Variants in NPHS2 observed in about 807,000 individuals in gnomAD.
NPHS2 encodes NPHS2 stomatin family member, podocin, also known as podocin.
A neutral mutation model predicts 37.1 loss-of-function variants in NPHS2; 36 were observed. The ratio of observed to expected loss-of-function variants is 0.97; its 90% confidence interval spans 0.74 to 1.28. The LOEUF is 1.28. NPHS2 is among the 50% of genes most tolerant of loss of function. The probability of loss-of-function intolerance (pLI) is 0.00; values close to 1 mark genes in which losing one functional copy is unlikely to be tolerated. For missense variants in NPHS2, 447 were observed against 488.1 expected, an observed-to-expected ratio of 0.92 and a Z score of 0.79; for synonymous variants, 196 against 189.3, an observed-to-expected ratio of 1.04 and a Z score of -0.29.
intron 1 of NPHS2, among the ~76,000 whole-genome samples, chr1:179,575,284 A>G (rs1201780491): frequency 1.3e-5 from 2 of 152,198 alleles, no homozygotes; most frequent in African/African-American, 4.8e-5. Flanking sequence ...CATGGCCACA[A>G]AAACCAAGTC....
Position 179,575,888 on chromosome 1 carries a change from A to G in NPHS2, c.-24T>C. 7.2e-7 allele frequency: 1 copy of G among 1,384,816 alleles called. No homozygotes were observed. The highest frequency in any genetic ancestry group is 9.3e-7 in the Non-Finnish European group (1 of 1,077,892). 85.8% of individuals were successfully genotyped at this position (1,384,816 alleles called of 1,614,324 possible). ...ATCCTCAGAGCTGCCGGGCGGCTGG[A>G]GCAGCAGCGCGGGAGCGCTAGGGGC... On this transcript the variant is annotated 5_prime_UTR_variant, in exon 1 of 8. Coordinates refer to ENST00000367615, the MANE Select transcript of NPHS2 (RefSeq NM_014625.4).
Position 179,561,314 on chromosome 1 carries a change from C to T in NPHS2, c.426G>A (p.Leu142=), listed in dbSNP as rs1372488341. The T allele has an allele frequency of 1.5e-5, 25 of 1,613,318 alleles. No individual in the cohort carries two copies. Among genetic ancestry groups the T allele is most frequent in the Non-Finnish European group, 1.5e-5 (18 of 1,179,444 alleles). The change falls in exon 3 of 8, where the codon CTG becomes CTA. Residue 142 remains leucine, a synonymous_variant. Transcript: ENST00000367615. ...CAGGGCCTTTGGCTCTTCCAGGAAG[C>T]AGATGTCCCAGTCGGAATATAATTA... ...ERVIIFRLGH[L]LPGRAKGPGL... is the part of the protein sequence containing the mutation.
chr1:179,563,009 G>A lies in NPHS2; in HGVS notation c.379-1648C>T, dbSNP rs578137108. Among the ~76,000 whole-genome samples the A allele has an allele frequency of 7.2e-5, 11 of 152,260 alleles. No individual in the cohort carries two copies. In the South Asian group the frequency reaches 2.3e-3, roughly 32 times the overall value. ...TGGCTGAGTCAGTGTTGTATCTTGT[G>A]GCAGTCATGCAGGTGCTCAGGTCAC... On this transcript the variant is annotated intron_variant, in intron 2 of 7. Transcript: ENST00000367615.
intron 1 of NPHS2, among the ~76,000 whole-genome samples, chr1:179,570,259 T>C (rs1019255858): frequency 1.3e-5 from 2 of 152,104 alleles, no homozygotes; most frequent in African/African-American, 4.8e-5. Flanking sequence ...CACAGAAATA[T>C]AGAGGTTTGA....
chr1:179,557,407 C>T (rs759642216), intron 4 of NPHS2, among the ~76,000 whole-genome samples, 177 bp from the exon 5 acceptor site: 8 of 151,990 alleles, frequency 5.3e-5, no homozygotes, highest in East Asian at 1.9e-4. Flanking sequence ...ATTAAATACA[C>T]GAAAGAATGC....
At position 179,564,699 on chromosome 1, in the gene NPHS2, G is replaced by A; in HGVS notation, c.369C>T (p.Phe123=). The A allele has an allele frequency of 1.2e-6, 2 of 1,613,876 alleles. No homozygotes were observed. The highest frequency in any genetic ancestry group is 2.2e-5 in the South Asian group (2 of 91,070). ...CCTTATGGAATCTCACCTTTACGCA[G>A]AACCAGATGGAAAAAGGGAAGGTCA... ...IIMTFPFSIW[F]CVKVVQEYER... The change falls in exon 2 of 8, where the codon TTC becomes TTT. Residue 123 remains phenylalanine, a synonymous_variant. Transcript: ENST00000367615.
At chr1:179,572,285 T>A (rs1471466302) in intron 1 of NPHS2, among the ~76,000 whole-genome samples, 1 of 152,264 alleles carries the variant, frequency 6.6e-6, no homozygotes, top group Non-Finnish European at 1.5e-5. Context: ...CAAGCCTTAA[T>A]GTCTGAAGTT....
rs12239385 is a variant in NPHS2 at position 179,565,375 on chromosome 1, C to T, written c.275-582G>A. Among the ~76,000 whole-genome samples the T allele has an allele frequency of 9.9e-3, 1,506 of 152,260 alleles. 21 individuals are homozygous for T. Among genetic ancestry groups the T allele is most frequent in the African/African-American group, 0.035 (1,443 of 41,552 alleles). On this transcript the variant is annotated intron_variant, in intron 1 of 7. Coordinates refer to ENST00000367615, the MANE Select transcript of NPHS2 (RefSeq NM_014625.4). ...AGTTCTGGCTCTACTGTTTCATATCCAGATGACCTTAGGCAAGGCGTATGA... is the reference window on the plus strand; with the variant it reads ...AGTTCTGGCTCTACTGTTTCATATCTAGATGACCTTAGGCAAGGCGTATGA...
At chr1:179,562,875 C>T (rs1674196857) in intron 2 of NPHS2, among the ~76,000 whole-genome samples, 1 of 152,186 alleles carries the variant, frequency 6.6e-6, no homozygotes, top group Non-Finnish European at 1.5e-5. Flanking sequence ...TTCTTCAAGA[C>T]CTTGCTCAAA....
rs137885727 is a variant in NPHS2 at position 179,551,601 on chromosome 1, G to T, written c.874-150C>A. On this transcript the variant is annotated intron_variant, in intron 7 of 7. Coordinates refer to ENST00000367615, the MANE Select transcript of NPHS2 (RefSeq NM_014625.4). Reference sequence around the variant, plus strand: ...AACATGTTTATTCTTCTTTCTGAAGGGTCTTGAGCTGGGGAGACAGATTAA... The same window carrying T: ...AACATGTTTATTCTTCTTTCTGAAGTGTCTTGAGCTGGGGAGACAGATTAA... The T allele has an allele frequency of 1.0e-4, 90 of 862,370 alleles. No homozygotes were observed. In the African/African-American group the frequency reaches 1.1e-3, roughly 10 times the overall value. 53.4% of individuals were successfully genotyped at this position (862,370 alleles called of 1,614,324 possible). A position where few individuals can be genotyped will look rare whatever the true frequency, so the allele number is the denominator to read the frequency against.
chr1:179,551,028 G>T lies in NPHS2; in HGVS notation c.*145C>A. 1.1e-6 allele frequency: 1 copy of T among 910,476 alleles called. No homozygotes were observed. Among genetic ancestry groups the T allele is most frequent in the Non-Finnish European group, 1.7e-6 (1 of 578,726 alleles). The allele number at this position is 910,476 out of a possible 1,614,324, so 56.4% of individuals were successfully genotyped here. ...TACATCATTTCACCGTCTTCTCATGGATGGTGCATTGTGACTTCGTGCATT... is the reference window on the plus strand; with the variant it reads ...TACATCATTTCACCGTCTTCTCATGTATGGTGCATTGTGACTTCGTGCATT... On this transcript the variant is annotated 3_prime_UTR_variant, in exon 8 of 8. Transcript: ENST00000367615.
At chr1:179,569,139 C>T (rs1194838412) in intron 1 of NPHS2, among the ~76,000 whole-genome samples, 2 of 152,032 alleles carry the variant, frequency 1.3e-5, no homozygotes, top group African/African-American at 2.4e-5. Context: ...CTGTCTAATG[C>T]TGAGAGCAGG....
rs932852233 is a variant in NPHS2, at chr1:179,556,343, C to T, written c.738+684G>A. Among the ~76,000 whole-genome samples the T allele has an allele frequency of 6.6e-6, 1 of 152,172 alleles. No individual in the cohort carries two copies. Among genetic ancestry groups the T allele is most frequent in the Admixed American group, 6.5e-5 (1 of 15,282 alleles). On this transcript the variant is annotated intron_variant, in intron 5 of 7. Transcript: ENST00000367615. This position sits in a 1 kb window ranked among gnomAD's most constrained non-coding sequence, Gnocchi z 4.1. Reference sequence around the variant, plus strand: ...CTGGTGGTAATTGCCACTCCATTGGCCAGCTGCCTGGAATCCTGCTGTCTT... The same window carrying T: ...CTGGTGGTAATTGCCACTCCATTGGTCAGCTGCCTGGAATCCTGCTGTCTT...
chr1:179,556,375 TCTC>T lies in NPHS2; in HGVS notation c.738+649_738+651del, dbSNP rs911644487. Among the ~76,000 whole-genome samples the T allele has an allele frequency of 6.6e-6, 1 of 152,144 alleles. No individual in the cohort carries two copies. The highest frequency in any genetic ancestry group is 1.5e-5 in the Non-Finnish European group (1 of 68,022). The stretch of plus-strand genomic sequence containing the variant: ...CCTGGAATCCTGCTGTCTTCTCACT[TCTC>T]CTCTGAATACCTGTTGCCTACCTGC... On this transcript the variant is annotated intron_variant, in intron 5 of 7. Transcript: ENST00000367615. The surrounding 1 kb of genome is among the most constrained non-coding windows in gnomAD (Gnocchi z 4.1).
At chr1:179,565,938 A>G (rs1674319755) in intron 1 of NPHS2, among the ~76,000 whole-genome samples, 2 of 152,198 alleles carry the variant, frequency 1.3e-5, no homozygotes, top group Non-Finnish European at 2.9e-5. Context: ...TCCATGGTGT[A>G]TATGTGCTAC....
chr1:179,567,848 G>C (rs1355377566), intron 1 of NPHS2, among the ~76,000 whole-genome samples: 2 of 152,194 alleles, frequency 1.3e-5, no homozygotes, highest in African/African-American at 4.8e-5. Flanking sequence ...TGTTGGTTCT[G>C]TTTATGTGAT....
At chr1:179,568,162 G>A (rs1334784363) in intron 1 of NPHS2, among the ~76,000 whole-genome samples, 4 of 152,130 alleles carry the variant, frequency 2.6e-5, no homozygotes, top group South Asian at 2.1e-4. Flanking sequence ...GGTAGGATTC[G>A]GCTGTGAATT....
chr1:179,551,339 G>A lies in NPHS2; in HGVS notation c.986C>T (p.Ser329Phe). 6.2e-7 allele frequency: 1 copy of A among 1,614,192 alleles called. No homozygotes were observed. The highest frequency in any genetic ancestry group is 8.5e-7 in the Non-Finnish European group (1 of 1,180,018). The change falls in exon 8 of 8, where the codon TCT (serine) becomes TTT (phenylalanine). Residue 329 changes from serine to phenylalanine, a missense_variant. Transcript: ENST00000367615. The stretch of plus-strand genomic sequence containing the variant: ...AGTGGAAGGCTTCTCTGTGGACAGA[G>A]ACTGAAGGGTGTGGAGGTATCGAAG... The part of the protein sequence containing the change: ...VQLRYLHTLQ[S>F]LSTEKPSTVV...
chr1:179,569,609 A>G (rs1218385830), intron 1 of NPHS2, among the ~76,000 whole-genome samples: 1 of 152,162 alleles, frequency 6.6e-6, no homozygotes, highest in Non-Finnish European at 1.5e-5. Context: ...TATTTTGCCC[A>G]TTAATTGATG....
Sources: gnomAD v4.1 joint callset for allele counts (sites outside exome capture counted in the v4.1 genomes callset) on GRCh38, gnomAD v4.1.1 for gene constraint, Gnocchi (gnomAD v3.1) non-coding constraint, MANE v1.5 for transcripts, NCBI Gene and HGNC (gene_info 2026-07-23, HGNC 2026-07-21) for gene names.